Variants in MRPS27 observed in about 807,000 individuals in gnomAD.
MRPS27 encodes mitochondrial ribosomal protein S27, also known as small ribosomal subunit protein mS27.
In MRPS27, 43 loss-of-function variants were observed where a neutral mutation model predicts 48.9. That is an observed-to-expected ratio of 0.88 (90% CI 0.69 to 1.13). The LOEUF is 1.13. Among genes scored for constraint, MRPS27 ranks in the 50% most tolerant of loss-of-function variants. The probability of loss-of-function intolerance (pLI) is 0.00; values close to 1 mark genes in which losing one functional copy is unlikely to be tolerated. For missense variants in MRPS27, 467 were observed against 476.3 expected, an observed-to-expected ratio of 0.98 and a Z score of 0.18; for synonymous variants, 188 against 171.9, an observed-to-expected ratio of 1.09 and a Z score of -0.73.
At chr5:72,295,726 A>AGCATGCT in intron 3 of MRPS27, 137 bp from the exon 4 acceptor site, 3 of 658,712 alleles carry the variant, frequency 4.6e-6, no homozygotes, top group Admixed American at 2.7e-5. Context: ...TAGTGGAACA[A>AGCATGCT]TGTTCACGTG....
Position 72,320,233 on chromosome 5 carries a change from C to T in MRPS27, c.-12G>A, listed in dbSNP as rs1750723212. On this transcript the variant is annotated 5_prime_UTR_variant, in exon 1 of 11. Transcript: ENST00000261413. ...ATGGAGGCAGCCATCTTGGAGCGTA[C>T]CAAAAGGAACAGCCAACGGGTTACG... 1.2e-6 allele frequency: 2 copies of T among 1,613,770 alleles called. No homozygotes were observed.
chr5:72,286,342 T>G (rs1749673885), intron 4 of MRPS27, among the ~76,000 whole-genome samples: 1 of 152,210 alleles, frequency 6.6e-6, no homozygotes, highest in African/African-American at 2.4e-5. Flanking sequence ...ATTTTAAGAC[T>G]TATTTAAAAA....
At chr5:72,242,820 A>G (rs1033845524) in intron 4 of MRPS27, among the ~76,000 whole-genome samples, 2 of 152,186 alleles carry the variant, frequency 1.3e-5, no homozygotes, top group African/African-American at 2.4e-5. Context: ...GAACGGCTAA[A>G]GTGGCAATGC....
intron 4 of MRPS27, among the ~76,000 whole-genome samples, chr5:72,294,344 A>C (rs1749921452): frequency 6.6e-6 from 1 of 152,162 alleles, no homozygotes; most frequent in African/African-American, 2.4e-5. Flanking sequence ...AAAAATAAAA[A>C]TGCATCTAGA....
At chr5:72,242,015 T>G (rs1748365058) in intron 4 of MRPS27, among the ~76,000 whole-genome samples, 1 of 152,210 alleles carries the variant, frequency 6.6e-6, no homozygotes, top group African/African-American at 2.4e-5. Flanking sequence ...TTATAAAATG[T>G]GATTACACTT....
rs202148252 is a variant in MRPS27, at chr5:72,276,031, G to GT, written c.281+19499_281+19500insA. Among the ~76,000 whole-genome samples the GT allele has an allele frequency of 3.0e-3, 381 of 125,928 alleles. 2 individuals are homozygous for GT. The East Asian group carries it at 0.044, about 14-fold the overall frequency. The allele number at this position is 125,928 out of a possible 152,430, so 82.6% of individuals were successfully genotyped here. On this transcript the variant is annotated intron_variant, in intron 4 of 10. Coordinates refer to ENST00000261413, the MANE Select transcript of MRPS27 (RefSeq NM_015084.3). ...AAAAAGGAGAAAAATGTGTGTGTGTGGGGGGGGTACTATGAATTAAAGAAT... is the reference window on the plus strand; with the variant it reads ...AAAAAGGAGAAAAATGTGTGTGTGTGTGGGGGGGTACTATGAATTAAAGAAT...
chr5:72,221,012 T>G lies in MRPS27; in HGVS notation c.1142A>C (p.Gln381Pro). 1 of 1,614,218 alleles carries G rather than the reference T, an allele frequency of 6.2e-7. No individual in the cohort carries two copies. ...CAACTGTACAAGGTCTAGATGCCACTGCTGCAGATTCTGCTCATAGGTGGC... is the reference window on the plus strand; with the variant it reads ...CAACTGTACAAGGTCTAGATGCCACGGCTGCAGATTCTGCTCATAGGTGGC... ...DIATYEQNLQ[Q>P]WHLDLVQLIQ... is the part of the protein sequence containing the mutation. Residue 381 changes from glutamine to proline, a missense_variant, in exon 11 of 11, where the codon CAG (glutamine) becomes CCG (proline). Coordinates refer to ENST00000261413, the MANE Select transcript of MRPS27 (RefSeq NM_015084.3).
At chr5:72,269,962 G>A (rs550977857) in intron 4 of MRPS27, among the ~76,000 whole-genome samples, 8 of 152,234 alleles carry the variant, frequency 5.3e-5, no homozygotes, top group South Asian at 2.1e-4. Context: ...GAAGGCTGAG[G>A]TGGGCAGATC....
At chr5:72,289,131 T>C (rs970046199) in intron 4 of MRPS27, among the ~76,000 whole-genome samples, 2 of 152,168 alleles carry the variant, frequency 1.3e-5, no homozygotes, top group African/African-American at 4.8e-5. Context: ...CTGCTATCCA[T>C]CTCCAACCAG....
chr5:72,304,783 C>A (rs1164220804), intron 2 of MRPS27, among the ~76,000 whole-genome samples: 1 of 152,158 alleles, frequency 6.6e-6, no homozygotes, highest in Non-Finnish European at 1.5e-5. Flanking sequence ...TTTATTGAAT[C>A]CTTCTAGCTT....
chr5:72,268,230 A>C (rs1283390597), intron 4 of MRPS27, among the ~76,000 whole-genome samples: 1 of 152,270 alleles, frequency 6.6e-6, no homozygotes. Flanking sequence ...AACTTAATTT[A>C]TCATTGCACT....
At chr5:72,303,080 A>C (rs1022786807) in intron 2 of MRPS27, among the ~76,000 whole-genome samples, 2 of 152,226 alleles carry the variant, frequency 1.3e-5, no homozygotes, top group Non-Finnish European at 2.9e-5. Context: ...CTATAGAAAC[A>C]AAAAAGCATA....
chr5:72,280,308 A>G (rs1749501715), intron 4 of MRPS27, among the ~76,000 whole-genome samples: 1 of 152,206 alleles, frequency 6.6e-6, no homozygotes, highest in South Asian at 2.1e-4. Context: ...GAAATGTGAC[A>G]CTTACTGTTT....
rs538943141 is a variant in MRPS27, at chr5:72,232,607, A to G, written c.476-49T>C. On this transcript the variant is annotated intron_variant, in intron 6 of 10. Coordinates refer to ENST00000261413, the MANE Select transcript of MRPS27 (RefSeq NM_015084.3). Reference sequence around the variant, plus strand: ...AGAGAGGAAATTAGTTGTAGGTAATATTACTAAATCTCTATTTAACTATAA... The same window carrying G: ...AGAGAGGAAATTAGTTGTAGGTAATGTTACTAAATCTCTATTTAACTATAA... 3.7e-5 allele frequency: 48 copies of G among 1,289,880 alleles called. No homozygotes were observed. The South Asian group carries it at 5.2e-4, about 14-fold the overall frequency. The allele number at this position is 1,289,880 out of a possible 1,614,324, so 79.9% of individuals were successfully genotyped here. A position where few individuals can be genotyped will look rare whatever the true frequency, so the allele number is the denominator to read the frequency against.
At chr5:72,295,827 C>T (rs1265698365) in intron 3 of MRPS27, among the ~76,000 whole-genome samples, 1 of 152,164 alleles carries the variant, frequency 6.6e-6, no homozygotes, top group African/African-American at 2.4e-5. Context: ...TAACCTTGAT[C>T]AGAAAACGGA....
At chr5:72,312,272 AAG>A (rs1229458611) in intron 2 of MRPS27, among the ~76,000 whole-genome samples, 3 of 152,236 alleles carry the variant, frequency 2.0e-5, no homozygotes, top group African/African-American at 7.2e-5. Flanking sequence ...TTTTTCATAT[AAG>A]CAAAGTTTTT....
chr5:72,262,131 A>C (rs1448800275), intron 4 of MRPS27, among the ~76,000 whole-genome samples: 2 of 152,192 alleles, frequency 1.3e-5, no homozygotes, highest in African/African-American at 4.8e-5. Context: ...CTAGTGAAAA[A>C]TTTGGCCTTT....
intron 4 of MRPS27, among the ~76,000 whole-genome samples, chr5:72,244,090 A>C (rs1012850591): frequency 6.6e-6 from 1 of 152,198 alleles, no homozygotes; most frequent in Non-Finnish European, 1.5e-5. Flanking sequence ...ATATTCTGTC[A>C]ATTTCCCAGA....
At chr5:72,297,548 T>A in intron 3 of MRPS27, 84 bp downstream of exon 3, 1 of 784,934 alleles carries the variant, frequency 1.3e-6, no homozygotes, top group Non-Finnish European at 2.0e-6. Flanking sequence ...AACTATTTTT[T>A]ATTTACACAG....
Sources: gnomAD v4.1 joint callset for allele counts (sites outside exome capture counted in the v4.1 genomes callset) on GRCh38, gnomAD v4.1.1 for gene constraint, MANE v1.5 for transcripts, NCBI Gene and HGNC (gene_info 2026-07-23, HGNC 2026-07-21) for gene names.